The following IKZF3 variants were observed in gnomAD, a reference collection of about 807,000 sequenced individuals.
IKZF3 encodes the protein zinc finger protein Aiolos.
In IKZF3, 10 loss-of-function variants were observed where a neutral mutation model predicts 49.0. The ratio of observed to expected loss-of-function variants is 0.20; its 90% CI spans 0.13 to 0.35. The LOEUF is 0.35. IKZF3 is among the 10% of genes least tolerant of loss of function. The pLI is 1.00. For synonymous variants in IKZF3, 209 were observed against 228.2 expected, an observed-to-expected ratio of 0.92 and a Z score of 0.76; for missense variants, 498 against 664.8, an observed-to-expected ratio of 0.75 and a Z score of 2.76.
At chr17:39,785,388 C>CG (rs1272785066) in intron 6 of IKZF3, among the ~76,000 whole-genome samples, 1 of 152,108 alleles carries the variant, frequency 6.6e-6, no homozygotes, top group African/African-American at 2.4e-5. Flanking sequence ...AACCCTTTAT[C>CG]TTTTTTTGCT....
chr17:39,813,526 C>T (rs2061609759), intron 3 of IKZF3, among the ~76,000 whole-genome samples: 1 of 151,656 alleles, frequency 6.6e-6, no homozygotes, highest in Non-Finnish European at 1.5e-5. Flanking sequence ...CAACTGTAGT[C>T]ACAGCTACTC....
intron 1 of IKZF3, chr17:39,835,285 G>T: frequency 1.8e-6 from 1 of 551,520 alleles, no homozygotes. Flanking sequence ...ATGGTCATCA[G>T]CTCCTGGTAC....
rs118045384 is a variant in IKZF3 at position 39,804,763 on chromosome 17, C to T, written c.164-11830G>A. ...AGTCCCTGCTTTTTAAATCTCTTTC[C>T]TTGGCTTATTCTTTGCTGGTCCTAC... On this transcript the variant is annotated intron_variant, in intron 3 of 7. Transcript: ENST00000346872. Among the ~76,000 whole-genome samples, 52 of 152,252 alleles carry T rather than the reference C, an allele frequency of 3.4e-4. No homozygotes were observed. In the East Asian group the frequency reaches 9.2e-3, roughly 27 times the overall value.
At chr17:39,778,199 T>C in intron 6 of IKZF3, 5 of 986,678 alleles carry the variant, frequency 5.1e-6, no homozygotes, top group Non-Finnish European at 6.0e-6. Flanking sequence ...TTTACTGCTC[T>C]GTTTATGTTA....
chr17:39,774,860 A>C (rs185700815), intron 7 of IKZF3, among the ~76,000 whole-genome samples: 1 of 152,192 alleles, frequency 6.6e-6, no homozygotes, highest in Non-Finnish European at 1.5e-5. Context: ...AGACTCTAAA[A>C]ACCTAGGATA....
Position 39,791,557 on chromosome 17 carries a change from A to G in IKZF3, c.451T>C (p.Cys151Arg). 6.2e-7 allele frequency: 1 copy of G among 1,614,082 alleles called. No individual in the cohort carries two copies. Among genetic ancestry groups the G allele is most frequent in the Non-Finnish European group, 8.5e-7 (1 of 1,179,960 alleles). The change falls in exon 5 of 8, where the codon TGT becomes CGT. Residue 151 changes from cysteine to arginine, a missense_variant. Cys to Arg is a radical substitution (Grantham distance 180, BLOSUM62 -3). Coordinates refer to ENST00000346872, the MANE Select transcript of IKZF3 (RefSeq NM_012481.5). ...TGERPFQCNQ[C>R]GASFTQKGNL... ...CCTTTCTGAGTAAAAGATGCCCCAC[A>G]CTGATTACACTGGAATGGGCGTTCA...
At chr17:39,840,994 T>A (rs1598174473) in intron 1 of IKZF3, among the ~76,000 whole-genome samples, 1 of 151,926 alleles carries the variant, frequency 6.6e-6, no homozygotes, top group Admixed American at 6.6e-5. Context: ...CTGGGCAACA[T>A]GGCGAAACCC....
At chr17:39,861,693 A>G (rs2063217850) in intron 1 of IKZF3, among the ~76,000 whole-genome samples, 3 of 152,132 alleles carry the variant, frequency 2.0e-5, no homozygotes, top group Non-Finnish European at 2.9e-5. Context: ...CACAAAATCT[A>G]TGTGGTAAGA....
At chr17:39,828,403 C>T (rs2144274852) in intron 3 of IKZF3, among the ~76,000 whole-genome samples, 1 of 152,244 alleles carries the variant, frequency 6.6e-6, no homozygotes, top group Middle Eastern at 3.4e-3. Context: ...AGTGGTCAAA[C>T]CTAATATTCC....
intron 1 of IKZF3, among the ~76,000 whole-genome samples, chr17:39,836,719 C>T (rs2062294921): frequency 6.6e-6 from 1 of 152,096 alleles, no homozygotes; most frequent in African/African-American, 2.4e-5. Context: ...TAAAATTATA[C>T]ACTTCACATA....
At chr17:39,783,754 C>A (rs1265962402) in intron 6 of IKZF3, among the ~76,000 whole-genome samples, 1 of 152,082 alleles carries the variant, frequency 6.6e-6, no homozygotes, top group Non-Finnish European at 1.5e-5. Context: ...CATGGTGAAA[C>A]CCCGTCTCTA....
intron 3 of IKZF3, among the ~76,000 whole-genome samples, chr17:39,828,306 G>A (rs1005430764): frequency 3.9e-5 from 6 of 152,200 alleles, no homozygotes; most frequent in Non-Finnish European, 8.8e-5. Flanking sequence ...TTCCGTACCT[G>A]TGTAACCCTA....
chr17:39,856,013 T>TGTATATTGTATATGTACAATATAACAC, intron 1 of IKZF3, among the ~76,000 whole-genome samples: 1 of 148,364 alleles, frequency 6.7e-6, no homozygotes, highest in East Asian at 1.9e-4. Flanking sequence ...CAATATAACA[T>TGTATATTGTATATGTACAATATAACAC]GTATATTGTA....
At position 39,811,398 on chromosome 17, in the gene IKZF3, G is replaced by A. The variant is rs544115883; in HGVS notation, c.163+17989C>T. Among the ~76,000 whole-genome samples, 79 of 133,586 alleles carry A rather than the reference G, an allele frequency of 5.9e-4. 1 individual carries two copies. Among genetic ancestry groups the A allele is most frequent in the Middle Eastern group, 3.4e-3 (1 of 290 alleles). 87.6% of individuals were successfully genotyped at this position (133,586 alleles called of 152,430 possible). A position where few individuals can be genotyped will look rare whatever the true frequency, so the allele number is the denominator to read the frequency against. On this transcript the variant is annotated intron_variant, in intron 3 of 7. Transcript: ENST00000346872. ...AGGAAGGAAGGAAGGAAGAAAGGAC[G>A]GAAGGAAGAAAGGAAGGAAGAAAAG... is the stretch of plus-strand genomic sequence containing the variant.
intron 1 of IKZF3, chr17:39,835,691 C>A: frequency 2.1e-6 from 1 of 467,426 alleles, no homozygotes. Context: ...TGTCCAAGAT[C>A]TGGGACTGGA....
chr17:39,862,203 T>C (rs1481008776), intron 1 of IKZF3, among the ~76,000 whole-genome samples: 1 of 152,224 alleles, frequency 6.6e-6, no homozygotes, highest in Non-Finnish European at 1.5e-5. Context: ...CTTATTCATC[T>C]GACATCTTCA....
chr17:39,779,947 C>T (rs2060695234), intron 6 of IKZF3, among the ~76,000 whole-genome samples: 1 of 152,106 alleles, frequency 6.6e-6, no homozygotes, highest in Non-Finnish European at 1.5e-5. Context: ...CCCCTGTAAT[C>T]CCAGTGCTTT....
Position 39,780,281 on chromosome 17 carries a change from C to T in IKZF3, c.710-2514G>A, listed in dbSNP as rs115097820. Reference sequence around the variant, plus strand: ...AAAAGCCCCAAAGTATTAAATATTTCTAATTTTATTAGTGGCCTTAAAAAA... The same window carrying T: ...AAAAGCCCCAAAGTATTAAATATTTTTAATTTTATTAGTGGCCTTAAAAAA... On this transcript the variant is annotated intron_variant, in intron 6 of 7. Coordinates refer to ENST00000346872, the MANE Select transcript of IKZF3 (RefSeq NM_012481.5). Among the ~76,000 whole-genome samples, 922 of 147,356 alleles carry T rather than the reference C, an allele frequency of 6.3e-3. 9 individuals are homozygous for T. The highest frequency in any genetic ancestry group is 0.021 in the African/African-American group (856 of 40,104).
At chr17:39,841,234 C>G (rs902538667) in intron 1 of IKZF3, among the ~76,000 whole-genome samples, 4 of 151,524 alleles carry the variant, frequency 2.6e-5, no homozygotes, top group African/African-American at 9.7e-5. Context: ...AAAGTCAGAG[C>G]TCAAACAGTA....
Sources: gnomAD v4.1 joint callset for allele counts (sites outside exome capture counted in the v4.1 genomes callset) on GRCh38, gnomAD v4.1.1 for gene constraint, MANE v1.5 for transcripts, NCBI Gene and HGNC (gene_info 2026-07-23, HGNC 2026-07-21) for gene names.